The following PCDHGB6 variants were observed in gnomAD, a reference collection of about 807,000 sequenced individuals.
The protein encoded by PCDHGB6 is protocadherin gamma-B6.
A neutral mutation model predicts 59.1 loss-of-function variants in PCDHGB6; 51 were observed. The ratio of observed to expected loss-of-function variants is 0.86; its 90% CI spans 0.69 to 1.09. The LOEUF is 1.09. Among genes scored for constraint, PCDHGB6 ranks in the 50% least tolerant of loss-of-function variants. PCDHGB6 has a pLI of 0.00. For synonymous variants in PCDHGB6, 466 were observed against 495.1 expected, an observed-to-expected ratio of 0.94 and a Z score of 0.78; for missense variants, 1,148 against 1,205.1, an observed-to-expected ratio of 0.95 and a Z score of 0.70.
Position 141,421,313 on chromosome 5 carries a change from C to T in PCDHGB6, c.2418+10693C>T, listed in dbSNP as rs201429116. 461 of 1,613,716 alleles carry T rather than the reference C, an allele frequency of 2.9e-4. No homozygotes were observed. Among genetic ancestry groups the T allele is most frequent in the Non-Finnish European group, 3.7e-4 (436 of 1,179,850 alleles). On this transcript the variant is annotated intron_variant, in intron 1 of 3. Coordinates refer to ENST00000520790, the MANE Select transcript of PCDHGB6 (RefSeq NM_018926.3). ...CTGGGGACGCTGCGGGGGTTCCGGGCCAGGCAGATCCGATATTCGGTGCCA... is the reference window on the plus strand; with the variant it reads ...CTGGGGACGCTGCGGGGGTTCCGGGTCAGGCAGATCCGATATTCGGTGCCA...
At chr5:141,461,185 C>T (rs2154567265) in intron 1 of PCDHGB6, among the ~76,000 whole-genome samples, 1 of 152,134 alleles carries the variant, frequency 6.6e-6, no homozygotes, top group East Asian at 1.9e-4. Context: ...AATGGTAGAT[C>T]TGTTTTTTGC....
At chr5:141,502,542 A>G (rs2099814957) in intron 2 of PCDHGB6, among the ~76,000 whole-genome samples, 1 of 152,216 alleles carries the variant, frequency 6.6e-6, no homozygotes, top group Admixed American at 6.5e-5. Context: ...TTCGTGTGGT[A>G]AAAACAGTGT....
At position 141,487,270 on chromosome 5, in the gene PCDHGB6, A is replaced by T. The variant is rs777469322; in HGVS notation, c.2419-7537A>T. 6.2e-7 allele frequency: 1 copy of T among 1,614,046 alleles called. No homozygotes were observed. Among genetic ancestry groups the T allele is most frequent in the South Asian group, 1.1e-5 (1 of 91,076 alleles). On this transcript the variant is annotated intron_variant, in intron 1 of 3. Transcript: ENST00000520790. The surrounding 1 kb of genome is among the most constrained non-coding windows in gnomAD (Gnocchi z 5.0). ...TCTACTTGGCTGTGTCCCTAGTGGC[A>T]ATTTGCTTTGTCTCCTTTGGCTCAT... is the stretch of plus-strand genomic sequence containing the variant.
At chr5:141,413,396 G>A in intron 1 of PCDHGB6, 1 of 1,614,060 alleles carries the variant, frequency 6.2e-7, no homozygotes, top group Non-Finnish European at 8.5e-7. Flanking sequence ...GTCTCCAGAG[G>A]TAGGACGCAG....
Position 141,476,944 on chromosome 5 carries a change from C to A in PCDHGB6, c.2419-17863C>A. The A allele has an allele frequency of 1.9e-6, 3 of 1,614,188 alleles. No individual in the cohort carries two copies. The highest frequency in any genetic ancestry group is 2.5e-6 in the Non-Finnish European group (3 of 1,180,044). ...CAACGGATCTGGATGAAGGCCCCAA[C>A]GGTGAAATTATTTACTCCTTCGGCA... On this transcript the variant is annotated intron_variant, in intron 1 of 3. Transcript: ENST00000520790. This position sits in a 1 kb window ranked among gnomAD's most constrained non-coding sequence, Gnocchi z 7.6.
chr5:141,465,448 A>G (rs2099103302), intron 1 of PCDHGB6, among the ~76,000 whole-genome samples: 2 of 152,192 alleles, frequency 1.3e-5, no homozygotes, highest in Admixed American at 1.3e-4. Flanking sequence ...TTACCCAAGA[A>G]AACTCTCACC....
At chr5:141,483,637 G>A (rs1365525499) in intron 1 of PCDHGB6, among the ~76,000 whole-genome samples, 1 of 145,878 alleles carries the variant, frequency 6.9e-6, no homozygotes, top group South Asian at 2.1e-4. Flanking sequence ...AAGGTATAGA[G>A]GGGTGTGTGT....
chr5:141,494,751 G>A, intron 1 of PCDHGB6, 56 bp from the exon 2 acceptor site: 2 of 1,613,426 alleles, frequency 1.2e-6, no homozygotes, highest in Non-Finnish European at 8.5e-7. Flanking sequence ...AGGGGCTCGG[G>A]TGACATTCTA....
chr5:141,441,672 GCCTTCGA>G (rs1327551430), intron 1 of PCDHGB6: 1 of 290,468 alleles, frequency 3.4e-6, no homozygotes, highest in Non-Finnish European at 6.8e-6. Flanking sequence ...CGCACAGTGC[GCCTTCGA>G]CCAAGAGCAG....
At chr5:141,413,202 G>T (rs768256888) in intron 1 of PCDHGB6, 19 of 1,612,062 alleles carry the variant, frequency 1.2e-5, no homozygotes, top group Non-Finnish European at 1.6e-5. Flanking sequence ...ATCGCTCAAA[G>T]GAATCAAAGG....
At chr5:141,430,935 T>G (rs748546768) in intron 1 of PCDHGB6, 1 of 1,607,814 alleles carries the variant, frequency 6.2e-7, no homozygotes. Context: ...CCCCGGGAGC[T>G]CGCGGAGCGC....
In PCDHGB6 at chr5:141,423,465, G is replaced by A. The variant is rs762995150; in HGVS notation, c.2418+12845G>A. On this transcript the variant is annotated intron_variant, in intron 1 of 3. Coordinates refer to ENST00000520790, the MANE Select transcript of PCDHGB6 (RefSeq NM_018926.3). ...CGTCACATTTTGTAGGCGTGGACGG[G>A]GTACAGGCTTTCCTGCAAACCTATT... The A allele has an allele frequency of 2.6e-5, 42 of 1,614,006 alleles. 1 individual carries two copies. The Middle Eastern group carries it at 1.5e-3, about 57-fold the overall frequency.
In PCDHGB6 at chr5:141,477,595, T is replaced by C. The variant is rs1289890776; in HGVS notation, c.2419-17212T>C. The C allele has an allele frequency of 6.2e-7, 1 of 1,614,176 alleles. No individual in the cohort carries two copies. Among genetic ancestry groups the C allele is most frequent in the Non-Finnish European group, 8.5e-7 (1 of 1,180,032 alleles). ...ACGCCCCGCAGAATGCTCGGCTTTC[T>C]TTCTTTCTCTTGGAGCAAGGAGCTG... On this transcript the variant is annotated intron_variant, in intron 1 of 3. Coordinates refer to ENST00000520790, the MANE Select transcript of PCDHGB6 (RefSeq NM_018926.3). This position sits in a 1 kb window ranked among gnomAD's most constrained non-coding sequence, Gnocchi z 4.9.
intron 1 of PCDHGB6, among the ~76,000 whole-genome samples, chr5:141,438,591 CATATAT>C (rs946798767): frequency 1.2e-3 from 91 of 75,538 alleles, no homozygotes; most frequent in Non-Finnish European, 1.7e-3. Flanking sequence ...TACATACATA[CATATAT>C]ATATATATAT....
At position 141,491,623 on chromosome 5, in the gene PCDHGB6, G is replaced by A. The variant is rs767724749; in HGVS notation, c.2419-3184G>A. The A allele has an allele frequency of 3.7e-6, 6 of 1,613,812 alleles. No homozygotes were observed. The highest frequency in any genetic ancestry group is 2.7e-5 in the African/African-American group (2 of 74,938). On this transcript the variant is annotated intron_variant, in intron 1 of 3. Transcript: ENST00000520790. This position sits in a 1 kb window ranked among gnomAD's most constrained non-coding sequence, Gnocchi z 6.9. ...CTTCACTTTTCTAAGACCCCTCAGC[G>A]TTCAGCAGCCCACAGCTCTGGCGCT...
Position 141,490,536 on chromosome 5 carries a change from T to C in PCDHGB6, c.2419-4271T>C. ...TGCTGGCCAGCGATGCTGGTTCACCTTCCCTACACAAACATCTCACCATCA... is the reference window on the plus strand; with the variant it reads ...TGCTGGCCAGCGATGCTGGTTCACCCTCCCTACACAAACATCTCACCATCA... On this transcript the variant is annotated intron_variant, in intron 1 of 3. Transcript: ENST00000520790. The surrounding 1 kb of genome is among the most constrained non-coding windows in gnomAD (Gnocchi z 5.4). The C allele has an allele frequency of 1.9e-6, 3 of 1,614,150 alleles. No individual in the cohort carries two copies. The highest frequency in any genetic ancestry group is 2.5e-6 in the Non-Finnish European group (3 of 1,180,010).
At chr5:141,452,472 A>C (rs995927368) in intron 1 of PCDHGB6, among the ~76,000 whole-genome samples, 6 of 152,170 alleles carry the variant, frequency 3.9e-5, no homozygotes, top group Non-Finnish European at 8.8e-5. Flanking sequence ...AGCTAGGAAA[A>C]ACACACATAA....
At chr5:141,456,777 A>G (rs572940615) in intron 1 of PCDHGB6, among the ~76,000 whole-genome samples, 2 of 152,214 alleles carry the variant, frequency 1.3e-5, no homozygotes, top group Admixed American at 6.5e-5. Flanking sequence ...AGCCTGGCCT[A>G]CATGGCAAAA....
chr5:141,499,414 T>C (rs543824206), intron 2 of PCDHGB6, among the ~76,000 whole-genome samples: 1 of 151,804 alleles, frequency 6.6e-6, no homozygotes, highest in Non-Finnish European at 1.5e-5. Context: ...TATAGAAACA[T>C]GAAAAATAGA....
Sources: allele counts gnomAD v4.1 joint callset (sites outside exome capture counted in the v4.1 genomes callset), GRCh38; gene constraint gnomAD v4.1.1; non-coding constraint Gnocchi (gnomAD v3.1); transcripts MANE v1.5; gene names NCBI Gene and HGNC (gene_info 2026-07-23, HGNC 2026-07-21).